Variants in DDX17 observed in about 807,000 individuals in gnomAD.
The protein encoded by DDX17 is probable ATP-dependent RNA helicase DDX17.
In DDX17, 10 loss-of-function variants were observed where a neutral mutation model predicts 80.8. The ratio of observed to expected loss-of-function variants is 0.12; its 90% CI spans 0.08 to 0.21. The LOEUF (loss-of-function observed/expected upper bound fraction) is 0.21. DDX17 is among the 10% of genes least tolerant of loss of function. DDX17 has a pLI of 1.00. For synonymous variants in DDX17, 339 were observed against 336.2 expected (o/e 1.01, Z -0.09); for missense variants, 586 against 957.4 (o/e 0.61, Z 5.12).
At position 38,501,289 on chromosome 22, in the gene DDX17, A is replaced by G; in HGVS notation, c.288-9T>C. ...CACCTCTTGCTCCAAATCTAGGAAC[A>G]GAATTTTTAGTTAGTTCATCAGTAT... On this transcript the variant is annotated splice_polypyrimidine_tract_variant and intron_variant, in intron 1 of 12. Coordinates refer to ENST00000403230, the MANE Select transcript of DDX17 (RefSeq NM_006386.5). 6.2e-7 allele frequency: 1 copy of G among 1,600,644 alleles called. No individual in the cohort carries two copies. The highest frequency in any genetic ancestry group is 8.5e-7 in the Non-Finnish European group (1 of 1,174,834).
Position 38,494,889 on chromosome 22 carries a change from G to A in DDX17, c.1038C>T (p.Ile346=), listed in dbSNP as rs2089745366. ...GCTTATTATTAGCTTTACACACCCT[G>A]ATTTGGTCAACAATTTTACGGATCT... Residue 346 remains isoleucine, a synonymous_variant, in exon 7 of 13, where the codon ATC becomes ATT. Transcript: ENST00000403230. 2 of 1,614,074 alleles carry A rather than the reference G, an allele frequency of 1.2e-6. No individual in the cohort carries two copies. The highest frequency in any genetic ancestry group is 1.7e-6 in the Non-Finnish European group (2 of 1,179,986).
intron 10 of DDX17, chr22:38,493,462 T>A: frequency 4.6e-6 from 2 of 437,966 alleles, no homozygotes; most frequent in Non-Finnish European, 8.2e-6. Flanking sequence ...GTTAGGATTA[T>A]AGGCATGAGC....
At chr22:38,498,190 G>A (rs753313761) in intron 4 of DDX17, 40 bp from the exon 5 acceptor site, 5 of 1,597,082 alleles carry the variant, frequency 3.1e-6, no homozygotes, top group African/African-American at 1.3e-5. Flanking sequence ...ACGCTTAGAA[G>A]TACAATCTTA....
Position 38,489,845 on chromosome 22 carries a change from CA to C in DDX17, c.1448-1731del, listed in dbSNP as rs946276099. On this transcript the variant is annotated intron_variant, in intron 11 of 12. Coordinates refer to ENST00000403230, the MANE Select transcript of DDX17 (RefSeq NM_006386.5). The surrounding 1 kb of genome is among the most constrained non-coding windows in gnomAD (Gnocchi z 4.6). ...TTACAGGGCCAGGGTGGATGTAAGA[CA>C]GGGGGTGGGGAATTCTACTCCATGG... is the stretch of plus-strand genomic sequence containing the variant. 6 of 985,712 alleles carry C rather than the reference CA, an allele frequency of 6.1e-6. No individual in the cohort carries two copies. The African/African-American group carries it at 1.0e-4, about 17-fold the overall frequency. The allele number at this position is 985,712 out of a possible 1,614,324, so 61.1% of individuals were successfully genotyped here.
At chr22:38,497,438 T>C (rs1002917871) in intron 5 of DDX17, among the ~76,000 whole-genome samples, 1 of 142,302 alleles carries the variant, frequency 7.0e-6, no homozygotes, top group African/African-American at 2.7e-5. Flanking sequence ...GCCAACATGG[T>C]GCAAACCTGT....
rs770524958 is a variant in DDX17, at chr22:38,501,122, A to AAT, written c.438+7_438+8insAT. 1.2e-6 allele frequency: 2 copies of AAT among 1,613,404 alleles called. No individual in the cohort carries two copies. The highest frequency in any genetic ancestry group is 1.7e-6 in the Non-Finnish European group (2 of 1,179,824). Reference sequence around the variant, plus strand: ...AATCTGTACATTAAAACACACATGTAAACTTACTGGTGTCAGCCTTGCTAC... The same window carrying AAT: ...AATCTGTACATTAAAACACACATGTAATAACTTACTGGTGTCAGCCTTGCTAC... On this transcript the variant is annotated splice_region_variant and intron_variant, in intron 2 of 12. Transcript: ENST00000403230.
rs373713575 is a variant in DDX17, at chr22:38,485,886, TC to T, written c.*48del. ...AGGAAAAAAAAAGGAAAGACAGTGT[TC>T]CTTAAAATGTAATTAAGTCTGCTGG... On this transcript the variant is annotated 3_prime_UTR_variant, in exon 13 of 13. Transcript: ENST00000403230. 62 of 1,575,208 alleles carry T rather than the reference TC, an allele frequency of 3.9e-5. 1 individual carries two copies. In the African/African-American group the frequency reaches 5.7e-4, roughly 15 times the overall value.
Position 38,498,164 on chromosome 22 carries a change from A to T in DDX17, c.673-14T>A. On this transcript the variant is annotated splice_polypyrimidine_tract_variant and intron_variant, in intron 4 of 12. Coordinates refer to ENST00000403230, the MANE Select transcript of DDX17 (RefSeq NM_006386.5). ...AGGCAGGAGATACTGTGGAGGGGGGAAAGAATGACAACCTTACGCTTAGAA... is the reference window on the plus strand; with the variant it reads ...AGGCAGGAGATACTGTGGAGGGGGGTAAGAATGACAACCTTACGCTTAGAA... 1 of 1,612,588 alleles carries T rather than the reference A, an allele frequency of 6.2e-7. No individual in the cohort carries two copies. The highest frequency in any genetic ancestry group is 8.5e-7 in the Non-Finnish European group (1 of 1,178,898).
chr22:38,500,702 AGCTACCTGGGAGGCTGAG>A (rs2089818934), intron 2 of DDX17, among the ~76,000 whole-genome samples: 1 of 151,132 alleles, frequency 6.6e-6, no homozygotes, highest in Non-Finnish European at 1.5e-5. Flanking sequence ...CTGTGATCCC[AGCTACCTGGGAGGCTGAG>A]GCAGTAGAAT....
In DDX17 at chr22:38,485,810, G is replaced by C. The variant is rs1228180178; in HGVS notation, c.*125C>G. 4.2e-6 allele frequency: 5 copies of C among 1,190,162 alleles called. No individual in the cohort carries two copies. Among genetic ancestry groups the C allele is most frequent in the Non-Finnish European group, 5.3e-6 (5 of 947,302 alleles). The allele number at this position is 1,190,162 out of a possible 1,614,324, so 73.7% of individuals were successfully genotyped here. On this transcript the variant is annotated 3_prime_UTR_variant, in exon 13 of 13. Transcript: ENST00000403230. Reference sequence around the variant, plus strand: ...AAAGACAAATCACGATGGTTGGGGGGAAAAATTAAAAAAAAAAAAAGAAAA... The same window carrying C: ...AAAGACAAATCACGATGGTTGGGGGCAAAAATTAAAAAAAAAAAAAGAAAA...
At chr22:38,488,713 A>G in intron 11 of DDX17, 2 of 987,736 alleles carry the variant, frequency 2.0e-6, no homozygotes, top group Non-Finnish European at 2.4e-6. Context: ...GAGTAGAGCC[A>G]AAGCTGTTAA....
At position 38,494,401 on chromosome 22, in the gene DDX17, T is replaced by C. The variant is rs945453372; in HGVS notation, c.1214+229A>G. ...CACCAAGACACAAAATTGTGCAAAATTATACAGCTTGTAATCAGCAGAGCT... is the reference window on the plus strand; with the variant it reads ...CACCAAGACACAAAATTGTGCAAAACTATACAGCTTGTAATCAGCAGAGCT... On this transcript the variant is annotated intron_variant, in intron 8 of 12. Coordinates refer to ENST00000403230, the MANE Select transcript of DDX17 (RefSeq NM_006386.5). 3 of 617,334 alleles carry C rather than the reference T, an allele frequency of 4.9e-6. No individual in the cohort carries two copies. The African/African-American group carries it at 5.6e-5, about 11-fold the overall frequency. The allele number at this position is 617,334 out of a possible 1,614,324, so 38.2% of individuals were successfully genotyped here. A position where few individuals can be genotyped will look rare whatever the true frequency, so the allele number is the denominator to read the frequency against.
At chr22:38,493,112 G>A (rs961394736) in intron 10 of DDX17, among the ~76,000 whole-genome samples, 1 of 152,092 alleles carries the variant, frequency 6.6e-6, no homozygotes, top group Non-Finnish European at 1.5e-5. Flanking sequence ...ATACAACAGG[G>A]GTAAGACAAA....
chr22:38,484,645 G>C lies in DDX17; in HGVS notation c.*1290C>G, dbSNP rs1211072738. ...CACAATAGCAGAAAATTCTTTCTGG[G>C]TCCATCTGCTATAAAGTCTTGGTAA... On this transcript the variant is annotated 3_prime_UTR_variant, in exon 13 of 13. Coordinates refer to ENST00000403230, the MANE Select transcript of DDX17 (RefSeq NM_006386.5). The C allele has an allele frequency of 6.6e-6, 1 of 152,166 alleles. No homozygotes were observed. The highest frequency in any genetic ancestry group is 2.4e-5 in the African/African-American group (1 of 41,430). The allele number at this position is 152,166 out of a possible 1,614,324, so 9.4% of individuals were successfully genotyped here.
chr22:38,503,807 ACCTATT>A (rs1336208820), intron 1 of DDX17, among the ~76,000 whole-genome samples: 1 of 152,232 alleles, frequency 6.6e-6, no homozygotes, highest in East Asian at 1.9e-4. Flanking sequence ...AACTGACCTC[ACCTATT>A]CCTTTTTCAA....
At chr22:38,500,989 A>AC (rs138456) in intron 2 of DDX17, 141 bp downstream of exon 2, 1 of 1,198,208 alleles carries the variant, frequency 8.3e-7, no homozygotes, top group African/African-American at 1.6e-5. Flanking sequence ...AAAAAAAAAA[A>AC]TTAACCAAAA....
At chr22:38,505,016 CTCCT>C in intron 1 of DDX17, 2 of 152,592 alleles carry the variant, frequency 1.3e-5, no homozygotes, top group African/African-American at 4.8e-5. Flanking sequence ...TCAAGCGATT[CTCCT>C]GCCTTGGCCT....
chr22:38,493,560 T>A (rs889210658), intron 10 of DDX17, 150 bp downstream of exon 10: 2 of 650,610 alleles, frequency 3.1e-6, no homozygotes, highest in Non-Finnish European at 5.5e-6. Context: ...TGAGTGGCTA[T>A]AACAGAGACC....
At chr22:38,496,734 G>A (rs2089771798) in intron 5 of DDX17, among the ~76,000 whole-genome samples, 1 of 152,040 alleles carries the variant, frequency 6.6e-6, no homozygotes, top group Non-Finnish European at 1.5e-5. Context: ...ACATCACCAG[G>A]TAGATAAGGC....
Sources: allele counts gnomAD v4.1 joint callset (sites outside exome capture counted in the v4.1 genomes callset), GRCh38; gene constraint gnomAD v4.1.1; non-coding constraint Gnocchi (gnomAD v3.1); transcripts MANE v1.5; gene names NCBI Gene and HGNC (gene_info 2026-07-23, HGNC 2026-07-21).